MB21D2: variants seen among roughly 807,000 people sequenced by gnomAD.
MB21D2 encodes the protein Mab-21 domain containing 2.
MB21D2 carries 9 observed loss-of-function variants against 33.3 expected under a neutral mutation model. The observed-to-expected ratio is 0.27, with a 90% CI of 0.16 to 0.47. MB21D2 has a LOEUF of 0.47. Among genes scored for constraint, MB21D2 ranks in the 20% least tolerant of loss-of-function variants. MB21D2 has a pLI of 0.99. For synonymous variants in MB21D2, 241 were observed against 236.3 expected (o/e 1.02, Z -0.18); for missense variants, 540 against 624.6 (o/e 0.86, Z 1.44).
chr3:192,868,433 T>C (rs971411482), intron 1 of MB21D2, among the ~76,000 whole-genome samples: 3 of 152,214 alleles, frequency 2.0e-5, no homozygotes, highest in Non-Finnish European at 4.4e-5. Flanking sequence ...TTTGACTCCT[T>C]TGATCAAGTC....
At chr3:192,803,065 G>C (rs1711589644) in intron 1 of MB21D2, among the ~76,000 whole-genome samples, 1 of 152,198 alleles carries the variant, frequency 6.6e-6, no homozygotes. Flanking sequence ...GAGATAATTT[G>C]TCTACAAAAG....
chr3:192,839,284 G>A lies in MB21D2; in HGVS notation c.212-39634C>T, dbSNP rs139098020. On this transcript the variant is annotated intron_variant, in intron 1 of 1. Transcript: ENST00000392452. ...ATTCCTTTTGCATGTACCCACTCTG[G>A]ATTTACGTACCTTCCTTCTAGGAGC... Among the ~76,000 whole-genome samples, 240 of 152,262 alleles carry A rather than the reference G, an allele frequency of 1.6e-3. 2 individuals are homozygous for A. The highest frequency in any genetic ancestry group is 5.7e-3 in the African/African-American group (235 of 41,552).
chr3:192,807,805 C>T (rs370317901), intron 1 of MB21D2, among the ~76,000 whole-genome samples: 2 of 152,100 alleles, frequency 1.3e-5, no homozygotes, highest in South Asian at 2.1e-4. Context: ...ATACACCACC[C>T]CCACTGCATA....
chr3:192,807,484 A>C (rs1010613615), intron 1 of MB21D2, among the ~76,000 whole-genome samples: 3 of 152,168 alleles, frequency 2.0e-5, no homozygotes, highest in South Asian at 4.1e-4. Context: ...GAATGAAGTC[A>C]ACTGTACCCC....
At chr3:192,849,917 A>G (rs1243291152) in intron 1 of MB21D2, among the ~76,000 whole-genome samples, 2 of 133,812 alleles carry the variant, frequency 1.5e-5, no homozygotes, top group East Asian at 4.8e-4. Context: ...TCATATAAAA[A>G]TTTTCTTTTT....
At chr3:192,846,565 C>T (rs965159152) in intron 1 of MB21D2, among the ~76,000 whole-genome samples, 1 of 152,198 alleles carries the variant, frequency 6.6e-6, no homozygotes, top group Non-Finnish European at 1.5e-5. Context: ...ACTCCTAACC[C>T]ACTCATAGCA....
chr3:192,879,495 ACTCCCAT>A (rs1480731093), intron 1 of MB21D2, among the ~76,000 whole-genome samples: 2 of 152,144 alleles, frequency 1.3e-5, no homozygotes, highest in African/African-American at 2.4e-5. Flanking sequence ...CGTCCTTCAT[ACTCCCAT>A]CTCCACATTC....
At chr3:192,801,595 G>A (rs144362866) in intron 1 of MB21D2, among the ~76,000 whole-genome samples, 2 of 152,218 alleles carry the variant, frequency 1.3e-5, no homozygotes, top group Non-Finnish European at 2.9e-5. Flanking sequence ...ACCTCAGAGC[G>A]CTTCTTTACC....
intron 1 of MB21D2, among the ~76,000 whole-genome samples, chr3:192,828,708 G>A (rs1425716606): frequency 2.2e-5 from 3 of 139,168 alleles, no homozygotes; most frequent in Admixed American, 7.6e-5. Flanking sequence ...GAGCGCAGTG[G>A]TGCAATCTCG....
intron 1 of MB21D2, among the ~76,000 whole-genome samples, chr3:192,812,101 G>T (rs1711800527): frequency 6.6e-6 from 1 of 151,994 alleles, no homozygotes; most frequent in South Asian, 2.1e-4. Flanking sequence ...AGGCTGGAGG[G>T]TAGTGGCACA....
chr3:192,877,111 C>G (rs2221202), intron 1 of MB21D2, among the ~76,000 whole-genome samples: 1 of 151,968 alleles, frequency 6.6e-6, no homozygotes, highest in African/African-American at 2.4e-5. Context: ...TCTAAGCAAT[C>G]CCAAGACCCC....
At chr3:192,886,277 A>G (rs967816203) in intron 1 of MB21D2, among the ~76,000 whole-genome samples, 6 of 152,168 alleles carry the variant, frequency 3.9e-5, no homozygotes, top group Non-Finnish European at 5.9e-5. Flanking sequence ...AATTTTTGAC[A>G]AAGTCTCCAT....
chr3:192,806,159 C>T (rs541818596), intron 1 of MB21D2, among the ~76,000 whole-genome samples: 1 of 152,346 alleles, frequency 6.6e-6, no homozygotes, highest in Admixed American at 6.5e-5. Context: ...AATGAACAAC[C>T]TGTACATCCT....
At chr3:192,801,075 A>C (rs900674386) in intron 1 of MB21D2, among the ~76,000 whole-genome samples, 1 of 152,142 alleles carries the variant, frequency 6.6e-6, no homozygotes, top group Non-Finnish European at 1.5e-5. Context: ...GGTATAGAAG[A>C]CTCCGTGCAT....
In MB21D2 at chr3:192,798,503, A is replaced by C. The variant is rs1458029026; in HGVS notation, c.1359T>G (p.Arg453=). 1 of 1,614,178 alleles carries C rather than the reference A, an allele frequency of 6.2e-7. No homozygotes were observed. Among genetic ancestry groups the C allele is most frequent in the Non-Finnish European group, 8.5e-7 (1 of 1,180,028 alleles). ...CTAGCTGCTGCAGTTTTTTTGCCAAACGGTCATCAGGCTGGTTGGGGTCCC... is the reference window on the plus strand; with the variant it reads ...CTAGCTGCTGCAGTTTTTTTGCCAACCGGTCATCAGGCTGGTTGGGGTCCC... The part of the protein sequence containing the change: ...DGGDPNQPDD[R]LAKKLQQLVT... Residue 453 remains arginine, a synonymous_variant, in exon 2 of 2, where the codon CGT becomes CGG. Transcript: ENST00000392452. The surrounding 1 kb of genome is among the most constrained non-coding windows in gnomAD (Gnocchi z 4.8).
chr3:192,872,622 T>C (rs1713334142), intron 1 of MB21D2, among the ~76,000 whole-genome samples: 1 of 151,984 alleles, frequency 6.6e-6, no homozygotes, highest in South Asian at 2.1e-4. Flanking sequence ...TGGCTAAATA[T>C]TTCAATACAG....
chr3:192,854,184 C>T (rs960513353), intron 1 of MB21D2, among the ~76,000 whole-genome samples: 4 of 152,166 alleles, frequency 2.6e-5, no homozygotes, highest in African/African-American at 7.2e-5. Flanking sequence ...AAGGCAGGCC[C>T]CTTGTGCCTA....
At chr3:192,836,746 A>G (rs530223837) in intron 1 of MB21D2, among the ~76,000 whole-genome samples, 3 of 152,324 alleles carry the variant, frequency 2.0e-5, no homozygotes, top group African/African-American at 7.2e-5. Flanking sequence ...AGACTTAGCA[A>G]GCTAATACAA....
intron 1 of MB21D2, among the ~76,000 whole-genome samples, chr3:192,869,336 G>A (rs868762606): frequency 4.6e-4 from 62 of 134,154 alleles, no homozygotes; most frequent in African/African-American, 9.4e-4. Context: ...AAGGGAAGGA[G>A]GGAAGGGAGG....
Sources: gnomAD v4.1 joint callset for allele counts (sites outside exome capture counted in the v4.1 genomes callset) on GRCh38, gnomAD v4.1.1 for gene constraint, Gnocchi (gnomAD v3.1) non-coding constraint, MANE v1.5 for transcripts, NCBI Gene and HGNC (gene_info 2026-07-23, HGNC 2026-07-21) for gene names.